Variants in PIGZ observed in about 807,000 individuals in gnomAD.
PIGZ encodes GPI alpha-1,2-mannosyltransferase 4.
Under a neutral mutation model 16.4 loss-of-function variants are expected in PIGZ, and 16 were observed. That is an observed-to-expected ratio of 0.97 (90% CI 0.66 to 1.48). The LOEUF is 1.48. Among genes scored for constraint, PIGZ ranks in the 40% most tolerant of loss-of-function variants. PIGZ has a pLI of 0.00. For synonymous variants in PIGZ, 409 were observed against 338.4 expected (o/e 1.21, Z -2.29); for missense variants, 770 against 739.2 (o/e 1.04, Z -0.48).
chr3:196,962,880 T>C (rs1717778132), intron 1 of PIGZ, among the ~76,000 whole-genome samples: 1 of 152,236 alleles, frequency 6.6e-6, no homozygotes, highest in Non-Finnish European at 1.5e-5. Context: ...CAATAAATAC[T>C]GAGGGAATTC....
Position 196,946,394 on chromosome 3 carries a change from A to C in PIGZ, c.*763T>G, listed in dbSNP as rs369571713. On this transcript the variant is annotated 3_prime_UTR_variant, in exon 3 of 3. Coordinates refer to ENST00000412723, the MANE Select transcript of PIGZ (RefSeq NM_025163.4). ...TATATTTCAAACATTACTTGTTTGC[A>C]TAATAACCAAACACTGAGACAGCAG... is the stretch of plus-strand genomic sequence containing the variant. 6.6e-6 allele frequency: 1 copy of C among 152,268 alleles called. No homozygotes were observed. The highest frequency in any genetic ancestry group is 1.5e-5 in the Non-Finnish European group (1 of 68,054). 9.4% of individuals were successfully genotyped at this position (152,268 alleles called of 1,614,324 possible). A position where few individuals can be genotyped will look rare whatever the true frequency, so the allele number is the denominator to read the frequency against.
chr3:196,955,726 G>A (rs542233900), intron 1 of PIGZ, among the ~76,000 whole-genome samples: 9 of 151,380 alleles, frequency 5.9e-5, no homozygotes, highest in East Asian at 5.8e-4. Context: ...CTATAGGTGC[G>A]CACCACCACG....
Position 196,947,318 on chromosome 3 carries a change from T to C in PIGZ, c.1579A>G (p.Thr527Ala), listed in dbSNP as rs1206978431. ...CRLFVVTPGT[T>A]RRAVEKCSFP... ...CTGCACTTCTCCACGGCACGCCTGGTGGTGCCAGGGGTTACCACAAAGAGG... is the reference window on the plus strand; with the variant it reads ...CTGCACTTCTCCACGGCACGCCTGGCGGTGCCAGGGGTTACCACAAAGAGG... The change falls in exon 3 of 3, where the codon ACC becomes GCC. Residue 527 changes from threonine (T) to alanine (A), a missense_variant. Thr to Ala is a moderately conservative substitution (Grantham distance 58). Transcript: ENST00000412723. 1 of 1,614,024 alleles carries C rather than the reference T, an allele frequency of 6.2e-7. No individual in the cohort carries two copies. Among genetic ancestry groups the C allele is most frequent in the East Asian group, 2.2e-5 (1 of 44,900 alleles).
At chr3:196,952,433 GTTTT>G (rs1336393846) in intron 1 of PIGZ, among the ~76,000 whole-genome samples, 1 of 152,076 alleles carries the variant, frequency 6.6e-6, no homozygotes, top group African/African-American at 2.4e-5. Context: ...CTTTGTTGTG[GTTTT>G]TTTGTTTGTT....
Position 196,947,981 on chromosome 3 carries a change from G to T in PIGZ, c.916C>A (p.Leu306Met). Reference sequence around the variant, plus strand: ...CGCGCGTGCGTGCCATGTCTCGCCAGGTTTTGGGGATTCAGGTTGTAGTGC... The same window carrying T: ...CGCGCGTGCGTGCCATGTCTCGCCATGTTTTGGGGATTCAGGTTGTAGTGC... ...FLHYNLNPQN[L>M]ARHGTHARLT... The change falls in exon 3 of 3, where the codon CTG becomes ATG. Residue 306 changes from leucine to methionine, a missense_variant. Physicochemically the swap from Leu to Met is conservative, Grantham distance 15 (BLOSUM62 2). Transcript: ENST00000412723. 1 of 1,607,140 alleles carries T rather than the reference G, an allele frequency of 6.2e-7. No homozygotes were observed.
chr3:196,949,740 T>C (rs1016070264), intron 2 of PIGZ, among the ~76,000 whole-genome samples: 5 of 151,900 alleles, frequency 3.3e-5, no homozygotes, highest in African/African-American at 1.2e-4. Context: ...CCCCGGGAGA[T>C]GAGGTGGCAG....
intron 2 of PIGZ, among the ~76,000 whole-genome samples, chr3:196,949,009 T>C (rs866061): frequency 0.58 from 18,734 of 32,422 alleles, 5,877 homozygotes; most frequent in African/African-American, 0.67. Flanking sequence ...TACTTCTCTT[T>C]CCCTCCCCTC....
chr3:196,964,430 T>C (rs1337702309), intron 1 of PIGZ, among the ~76,000 whole-genome samples: 2 of 151,826 alleles, frequency 1.3e-5, no homozygotes, highest in Admixed American at 6.6e-5. Flanking sequence ...CGATCTTGGC[T>C]CACTGCAACC....
intron 1 of PIGZ, among the ~76,000 whole-genome samples, chr3:196,961,484 CT>C (rs1343582000): frequency 6.6e-6 from 1 of 152,188 alleles, no homozygotes; most frequent in Non-Finnish European, 1.5e-5. Context: ...TGGTGCACCC[CT>C]GTAGTCCCAG....
chr3:196,960,661 C>T lies in PIGZ; in HGVS notation c.-1+8026G>A, dbSNP rs370886991. 1.7e-4 allele frequency among the ~76,000 whole-genome samples: 24 copies of T among 142,312 alleles called. No individual in the cohort carries two copies. In the East Asian group the frequency reaches 4.5e-3, roughly 27 times the overall value. The allele number at this position is 142,312 out of a possible 152,430, so 93.4% of individuals were successfully genotyped here. On this transcript the variant is annotated intron_variant, in intron 1 of 2. Transcript: ENST00000412723. ...TCCATCCTGGGCGATAGAGCAAGAACCTGTCTCAAAAAAAAAGAAAAAAGA... is the reference window on the plus strand; with the variant it reads ...TCCATCCTGGGCGATAGAGCAAGAATCTGTCTCAAAAAAAAAGAAAAAAGA...
chr3:196,959,291 T>C (rs1482703908), intron 1 of PIGZ, among the ~76,000 whole-genome samples: 3 of 152,226 alleles, frequency 2.0e-5, no homozygotes, highest in Non-Finnish European at 2.9e-5. Context: ...CTTTGCAACA[T>C]TGAAATTGAG....
chr3:196,964,284 C>G lies in PIGZ; in HGVS notation c.-1+4403G>C, dbSNP rs560429319. Among the ~76,000 whole-genome samples the G allele has an allele frequency of 1.2e-3, 175 of 152,088 alleles. 2 individuals are homozygous for G. In the South Asian group the frequency reaches 0.012, roughly 10 times the overall value. Reference sequence around the variant, plus strand: ...CAGGATGGTCTCGATCTCCTGACCTCGTGATCCGCCCACCTCGGCCTCCCA... The same window carrying G: ...CAGGATGGTCTCGATCTCCTGACCTGGTGATCCGCCCACCTCGGCCTCCCA... On this transcript the variant is annotated intron_variant, in intron 1 of 2. Transcript: ENST00000412723.
At chr3:196,949,059 T>C (rs1452753574) in intron 2 of PIGZ, among the ~76,000 whole-genome samples, 1 of 54,306 alleles carries the variant, frequency 1.8e-5, no homozygotes, top group African/African-American at 1.4e-4. Context: ...TTCCCTTCCT[T>C]CCCCTTCCTT....
intron 1 of PIGZ, among the ~76,000 whole-genome samples, chr3:196,962,035 G>A (rs185798769): frequency 1.6e-4 from 25 of 152,248 alleles, no homozygotes; most frequent in African/African-American, 3.9e-4. Context: ...GAAATCGTAA[G>A]GTCTGTATGG....
At chr3:196,955,231 C>G (rs1265137535) in intron 1 of PIGZ, among the ~76,000 whole-genome samples, 1 of 152,150 alleles carries the variant, frequency 6.6e-6, no homozygotes, top group East Asian at 1.9e-4. Flanking sequence ...TGGCCCAAAT[C>G]TTTTATATTC....
chr3:196,949,658 A>G lies in PIGZ; in HGVS notation c.212-973T>C, dbSNP rs115585887. ...GGGTGCAGTTTGAGCTGCTCGTAGG[A>G]TTTTGAGGATTTGTCAGGAGCAGCA... On this transcript the variant is annotated intron_variant, in intron 2 of 2. Coordinates refer to ENST00000412723, the MANE Select transcript of PIGZ (RefSeq NM_025163.4). Among the ~76,000 whole-genome samples the G allele has an allele frequency of 8.0e-3, 1,218 of 152,236 alleles. 14 individuals are homozygous for G. Among genetic ancestry groups the G allele is most frequent in the African/African-American group, 0.026 (1,065 of 41,524 alleles).
At position 196,948,325 on chromosome 3, in the gene PIGZ, AGCAC is replaced by A. The variant is rs778398905; in HGVS notation, c.568_571del (p.Val190TrpfsTer6). On this transcript the variant is annotated frameshift_variant, in exon 3 of 3. Coordinates refer to ENST00000412723, the MANE Select transcript of PIGZ (RefSeq NM_025163.4). LOFTEE classifies it low-confidence loss of function (END_TRUNC). ...GCCCCACGTTACATGGGAGGATACC[AGCAC>A]CAGCAGCCACGTGAAGAGGAGTCCC... 6.2e-7 allele frequency: 1 copy of A among 1,614,140 alleles called. No homozygotes were observed. The highest frequency in any genetic ancestry group is 8.5e-7 in the Non-Finnish European group (1 of 1,180,022).
At chr3:196,955,210 G>A (rs1049912761) in intron 1 of PIGZ, among the ~76,000 whole-genome samples, 1 of 152,158 alleles carries the variant, frequency 6.6e-6, no homozygotes, top group African/African-American at 2.4e-5. Context: ...ACATGCATGA[G>A]CCACCTTGCC....
chr3:196,951,012 C>T (rs996061107), intron 2 of PIGZ, among the ~76,000 whole-genome samples: 1 of 152,214 alleles, frequency 6.6e-6, no homozygotes, highest in African/African-American at 2.4e-5. Context: ...TCCCAGAGTG[C>T]TGGGATTACA....
Sources: gnomAD v4.1 joint callset for allele counts (sites outside exome capture counted in the v4.1 genomes callset) on GRCh38, gnomAD v4.1.1 for gene constraint, MANE v1.5 for transcripts, NCBI Gene and HGNC (gene_info 2026-07-23, HGNC 2026-07-21) for gene names.